PARP4: variants seen among roughly 807,000 people sequenced by gnomAD.
PARP4 encodes poly(ADP-ribose) polymerase family member 4.
In PARP4, 120 loss-of-function variants were observed where a neutral mutation model predicts 187.7. The observed-to-expected ratio is 0.64, with a 90% confidence interval of 0.55 to 0.74. The LOEUF is 0.74. PARP4 is among the 30% of genes least tolerant of loss of function. PARP4 has a pLI of 0.00. For synonymous variants in PARP4, 654 were observed against 740.9 expected, an observed-to-expected ratio of 0.88 and a Z score of 1.90; for missense variants, 1,836 against 2,070.5, an observed-to-expected ratio of 0.89 and a Z score of 2.20.
At chr13:24,470,637 A>G (rs1400442809) in intron 15 of PARP4, among the ~76,000 whole-genome samples, 1 of 152,220 alleles carries the variant, frequency 6.6e-6, no homozygotes, top group Non-Finnish European at 1.5e-5. Flanking sequence ...AAAATTAAGA[A>G]AAAACTCCTC....
chr13:24,456,170 A>G (rs544413124), intron 21 of PARP4, among the ~76,000 whole-genome samples, 171 bp downstream of exon 21: 2 of 152,334 alleles, frequency 1.3e-5, no homozygotes, highest in South Asian at 4.1e-4. Flanking sequence ...AAACGTCAGA[A>G]GTTTGGCATG....
chr13:24,490,418 AT>A (rs3837551), intron 10 of PARP4, among the ~76,000 whole-genome samples: 16,558 of 152,212 alleles, frequency 0.11, 980 homozygotes, highest in African/African-American at 0.12. Context: ...ACGTTTTAAA[AT>A]TTTTAAATTT....
chr13:24,449,605 C>T, intron 25 of PARP4, 113 bp downstream of exon 25: 1 of 635,616 alleles, frequency 1.6e-6, no homozygotes, highest in Non-Finnish European at 2.8e-6. Context: ...CAGTGCTTGC[C>T]TCTTTACGGC....
chr13:24,422,223 G>C (rs1474246589), intron 33 of PARP4, among the ~76,000 whole-genome samples: 1 of 152,112 alleles, frequency 6.6e-6, no homozygotes, highest in Non-Finnish European at 1.5e-5. Flanking sequence ...AGGTCCTATG[G>C]GTTTGTGGTG....
intron 13 of PARP4, 41 bp from the exon 14 acceptor site, chr13:24,477,898 C>T: frequency 7.0e-7 from 1 of 1,434,206 alleles, no homozygotes; most frequent in Non-Finnish European, 9.4e-7. Context: ...ACAACAGAAG[C>T]AACAAAAAAC....
At chr13:24,450,816 C>T (rs1335741004) in intron 24 of PARP4, among the ~76,000 whole-genome samples, 2 of 152,238 alleles carry the variant, frequency 1.3e-5, no homozygotes, top group Non-Finnish European at 2.9e-5. Flanking sequence ...AGAGTCTCCT[C>T]TTGGAGCAGG....
chr13:24,508,871 C>T lies in PARP4; in HGVS notation c.-2+3835G>A, dbSNP rs575405234. 1.2e-4 allele frequency among the ~76,000 whole-genome samples: 19 copies of T among 152,296 alleles called. 1 individual carries two copies. In the South Asian group the frequency reaches 3.7e-3, roughly 30 times the overall value. Reference sequence around the variant, plus strand: ...CACTACCTATCCCGCTGTTATCAGTCAGCATCTTTAGCATTTTGTCATTAA... The same window carrying T: ...CACTACCTATCCCGCTGTTATCAGTTAGCATCTTTAGCATTTTGTCATTAA... On this transcript the variant is annotated intron_variant, in intron 1 of 33. Transcript: ENST00000381989.
At chr13:24,459,002 G>A (rs987655899) in intron 20 of PARP4, 42 bp downstream of exon 20, 1 of 1,307,552 alleles carries the variant, frequency 7.6e-7, no homozygotes, top group Non-Finnish European at 1.1e-6. Flanking sequence ...GATAAAAGTA[G>A]TGTTAAAATA....
intron 32 of PARP4, among the ~76,000 whole-genome samples, chr13:24,430,281 G>A (rs1008541992): frequency 3.9e-5 from 6 of 152,056 alleles, no homozygotes; most frequent in Admixed American, 3.3e-4. Flanking sequence ...AGAGGTGATG[G>A]TGGGGCAGTG....
chr13:24,448,882 C>T (rs1029006106), intron 25 of PARP4, among the ~76,000 whole-genome samples: 5 of 152,152 alleles, frequency 3.3e-5, no homozygotes, highest in African/African-American at 1.2e-4. Flanking sequence ...GGACAATGTC[C>T]TATGACTCCA....
At chr13:24,477,196 G>A (rs1187463638) in intron 14 of PARP4, among the ~76,000 whole-genome samples, 1 of 152,188 alleles carries the variant, frequency 6.6e-6, no homozygotes, top group East Asian at 1.9e-4. Context: ...AAAAGGAAAT[G>A]AGGCTGGCCA....
rs764732766 is a variant in PARP4, at chr13:24,459,960, A to G, written c.2298+12T>C. ...CTGCCAAAATGCTTCTTCAAATCTT[A>G]TGCGTACAAACCTGAAGGTTTTCAT... On this transcript the variant is annotated intron_variant, in intron 18 of 33. Transcript: ENST00000381989. 6.2e-7 allele frequency: 1 copy of G among 1,609,542 alleles called. No individual in the cohort carries two copies. Among genetic ancestry groups the G allele is most frequent in the Non-Finnish European group, 8.5e-7 (1 of 1,177,966 alleles).
chr13:24,495,980 C>T (rs1868924420), intron 6 of PARP4, among the ~76,000 whole-genome samples: 1 of 152,094 alleles, frequency 6.6e-6, no homozygotes, highest in Admixed American at 6.6e-5. Flanking sequence ...GGGTGCTCTA[C>T]ACAGACTCGG....
intron 1 of PARP4, among the ~76,000 whole-genome samples, chr13:24,511,471 A>T (rs1441881784): frequency 6.6e-6 from 1 of 152,184 alleles, no homozygotes; most frequent in Non-Finnish European, 1.5e-5. Flanking sequence ...TAACATTCAC[A>T]GAGTGTCTTC....
At chr13:24,496,823 G>C (rs183476755) in intron 6 of PARP4, among the ~76,000 whole-genome samples, 175 of 152,280 alleles carry the variant, frequency 1.1e-3, no homozygotes, top group African/African-American at 4.0e-3. Context: ...AGGAGTTCGA[G>C]ACCAGCCTGG....
intron 9 of PARP4, 22 bp from the exon 10 acceptor site, chr13:24,490,850 A>G (rs1868602647): frequency 2.5e-6 from 4 of 1,594,334 alleles, no homozygotes; most frequent in Non-Finnish European, 3.4e-6. Flanking sequence ...AATAATACAC[A>G]GATGTCAGAA....
chr13:24,492,648 G>T, intron 8 of PARP4, 54 bp from the exon 9 acceptor site: 1 of 1,400,760 alleles, frequency 7.1e-7, no homozygotes, highest in Non-Finnish European at 1.0e-6. Flanking sequence ...CAGAAATTAA[G>T]GAGCATGCAC....
chr13:24,483,411 G>A (rs1469459747), intron 12 of PARP4, among the ~76,000 whole-genome samples: 1 of 128,194 alleles, frequency 7.8e-6, no homozygotes, highest in African/African-American at 3.0e-5. Context: ...GCGTGAACCC[G>A]GGAAGCGGAG....
intron 1 of PARP4, among the ~76,000 whole-genome samples, chr13:24,512,042 A>T (rs1870041624): frequency 6.6e-6 from 1 of 152,186 alleles, no homozygotes; most frequent in Admixed American, 6.5e-5. Flanking sequence ...TTATCATAGC[A>T]CTATGCTTGG....
Sources: gnomAD v4.1 joint callset for allele counts (sites outside exome capture counted in the v4.1 genomes callset) on GRCh38, gnomAD v4.1.1 for gene constraint, MANE v1.5 for transcripts, NCBI Gene and HGNC (gene_info 2026-07-23, HGNC 2026-07-21) for gene names.